TMEM132C: variants seen among roughly 807,000 people sequenced by gnomAD.
The protein encoded by TMEM132C is protein phosphatase 1, regulatory subunit 152.
A neutral mutation model predicts 61.4 loss-of-function variants in TMEM132C; 29 were observed. The ratio of observed to expected loss-of-function variants is 0.47; its 90% CI spans 0.35 to 0.64. The LOEUF (loss-of-function observed/expected upper bound fraction) is 0.64. Among genes scored for constraint, TMEM132C ranks in the 30% least tolerant of loss-of-function variants. The probability of loss-of-function intolerance (pLI) is 0.00; values close to 1 mark genes in which losing one functional copy is unlikely to be tolerated. For missense variants in TMEM132C, 1,408 were observed against 1,476.9 expected (o/e 0.95, Z 0.76); for synonymous variants, 656 against 633.1 (o/e 1.04, Z -0.54).
chr12:128,429,072 T>C (rs1404386982), intron 2 of TMEM132C, among the ~76,000 whole-genome samples: 1 of 152,206 alleles, frequency 6.6e-6, no homozygotes, highest in Non-Finnish European at 1.5e-5. Flanking sequence ...TAGCAGCATC[T>C]ACCTTCTTTG....
intron 1 of TMEM132C, among the ~76,000 whole-genome samples, chr12:128,291,140 G>T (rs1001398045): frequency 2.0e-5 from 3 of 152,146 alleles, no homozygotes; most frequent in Non-Finnish European, 4.4e-5. Context: ...ATTCTCGAGG[G>T]ACATTCTTAT....
intron 1 of TMEM132C, among the ~76,000 whole-genome samples, chr12:128,330,962 A>G (rs763096058): frequency 6.6e-6 from 1 of 152,242 alleles, no homozygotes; most frequent in Non-Finnish European, 1.5e-5. Flanking sequence ...ATCCGCCACA[A>G]AATGACAGAT....
rs148163982 is a variant in TMEM132C, at chr12:128,354,031, G to A, written c.86-60701G>A. On this transcript the variant is annotated intron_variant, in intron 1 of 8. Coordinates refer to ENST00000435159, the MANE Select transcript of TMEM132C (RefSeq NM_001136103.3). ...TTCTGTATAAATGTAAAGGGTCGAT[G>A]AAGAAGAGAAGCAGATCTTGCCAGG... 9.3e-3 allele frequency among the ~76,000 whole-genome samples: 1,416 copies of A among 152,320 alleles called. 15 individuals carry two copies. The highest frequency in any genetic ancestry group is 0.013 in the Non-Finnish European group (907 of 68,032).
chr12:128,693,986 A>G lies in TMEM132C; in HGVS notation c.1607A>G (p.Glu536Gly). The G allele has an allele frequency of 2.6e-6, 4 of 1,551,726 alleles. No homozygotes were observed. The highest frequency in any genetic ancestry group is 3.5e-6 in the Non-Finnish European group (4 of 1,147,012). ...LPLQIEVSDT[E>G]LSQIKGWRVP... ...CTGCAGATCGAGGTCTCTGACACGG[A>G]GCTCAGCCAGATAAAGGGCTGGAGG... Residue 536 changes from glutamate to glycine, a missense_variant, in exon 6 of 9, where the codon GAG becomes GGG. Coordinates refer to ENST00000435159, the MANE Select transcript of TMEM132C (RefSeq NM_001136103.3).
chr12:128,680,686 A>G (rs917045908), intron 5 of TMEM132C, among the ~76,000 whole-genome samples: 1 of 152,206 alleles, frequency 6.6e-6, no homozygotes, highest in Non-Finnish European at 1.5e-5. Context: ...TATGCCACAC[A>G]TTCGTTCCTA....
At chr12:128,626,356 C>T (rs916765215) in intron 4 of TMEM132C, among the ~76,000 whole-genome samples, 1 of 151,630 alleles carries the variant, frequency 6.6e-6, no homozygotes, top group African/African-American at 2.4e-5. Flanking sequence ...TCTCGAACTC[C>T]TGACCTCAGG....
chr12:128,686,064 T>TGC lies in TMEM132C; in HGVS notation c.1450-7764_1450-7763dup, dbSNP rs1279579771. ...TCGCGCGTGTGTGCATGTGTGTGTG[T>TGC]GCATGCGTGTGTGCGCATGTGTGTT... On this transcript the variant is annotated intron_variant, in intron 5 of 8. Coordinates refer to ENST00000435159, the MANE Select transcript of TMEM132C (RefSeq NM_001136103.3). Among the ~76,000 whole-genome samples the TGC allele has an allele frequency of 1.2e-3, 90 of 76,822 alleles. 1 individual carries two copies. The highest frequency in any genetic ancestry group is 4.3e-4 in the Non-Finnish European group (12 of 27,872). The allele number at this position is 76,822 out of a possible 152,430, so 50.4% of individuals were successfully genotyped here. A position where few individuals can be genotyped will look rare whatever the true frequency, so the allele number is the denominator to read the frequency against.
At chr12:128,385,626 A>G (rs116673752) in intron 1 of TMEM132C, among the ~76,000 whole-genome samples, 1 of 152,328 alleles carries the variant, frequency 6.6e-6, no homozygotes, top group African/African-American at 2.4e-5. Context: ...AGGATACGTT[A>G]AAGATCCATT....
intron 3 of TMEM132C, among the ~76,000 whole-genome samples, chr12:128,580,046 G>A (rs1875271382): frequency 6.6e-6 from 1 of 152,126 alleles, no homozygotes; most frequent in Non-Finnish European, 1.5e-5. Context: ...AAAGACACAG[G>A]TTCAAACCCA....
At chr12:128,392,423 C>A (rs759058138) in intron 1 of TMEM132C, among the ~76,000 whole-genome samples, 1 of 152,196 alleles carries the variant, frequency 6.6e-6, no homozygotes, top group Non-Finnish European at 1.5e-5. Flanking sequence ...GACCCCAGAA[C>A]GTCATGGAGG....
At chr12:128,531,414 A>G (rs1484963369) in intron 2 of TMEM132C, among the ~76,000 whole-genome samples, 1 of 152,234 alleles carries the variant, frequency 6.6e-6, no homozygotes, top group Non-Finnish European at 1.5e-5. Flanking sequence ...TTCACAGCCA[A>G]CCTGAAAGAG....
At chr12:128,356,672 G>C (rs1356931151) in intron 1 of TMEM132C, among the ~76,000 whole-genome samples, 1 of 152,198 alleles carries the variant, frequency 6.6e-6, no homozygotes, top group Non-Finnish European at 1.5e-5. Context: ...GGGAAAATCA[G>C]TTTGCTGCTG....
At chr12:128,464,519 A>G (rs1303235262) in intron 2 of TMEM132C, among the ~76,000 whole-genome samples, 1 of 152,170 alleles carries the variant, frequency 6.6e-6, no homozygotes. Flanking sequence ...AGGCTGAAGC[A>G]GGAGGATCAC....
At chr12:128,418,526 C>T (rs1037949432) in intron 2 of TMEM132C, among the ~76,000 whole-genome samples, 2 of 152,158 alleles carry the variant, frequency 1.3e-5, no homozygotes, top group African/African-American at 2.4e-5. Context: ...TGACTGAAGG[C>T]GCTTCTTTAA....
chr12:128,649,073 G>GTGTT (rs1338842087), intron 4 of TMEM132C, among the ~76,000 whole-genome samples: 1 of 152,236 alleles, frequency 6.6e-6, no homozygotes, highest in Non-Finnish European at 1.5e-5. Flanking sequence ...GTATGTGAGT[G>GTGTT]TGTTTACTGG....
At chr12:128,582,928 T>C (rs1460272731) in intron 3 of TMEM132C, among the ~76,000 whole-genome samples, 2 of 152,142 alleles carry the variant, frequency 1.3e-5, no homozygotes, top group African/African-American at 4.8e-5. Flanking sequence ...GCATGAGCCA[T>C]GGTGCCCAGC....
intron 2 of TMEM132C, among the ~76,000 whole-genome samples, chr12:128,504,780 G>A: frequency 7.2e-6 from 1 of 138,640 alleles, no homozygotes; most frequent in Non-Finnish European, 1.6e-5. Context: ...CAGTCACATT[G>A]AGGGTTAGGG....
At chr12:128,347,343 T>G (rs1873190473) in intron 1 of TMEM132C, among the ~76,000 whole-genome samples, 1 of 152,084 alleles carries the variant, frequency 6.6e-6, no homozygotes, top group Non-Finnish European at 1.5e-5. Context: ...GCACTTAGGT[T>G]GGTTCCATAT....
At chr12:128,694,532 TG>T (rs1422611750) in intron 6 of TMEM132C, among the ~76,000 whole-genome samples, 3 of 152,212 alleles carry the variant, frequency 2.0e-5, no homozygotes, top group Non-Finnish European at 4.4e-5. Context: ...TGCAAGAGTA[TG>T]GGGTCTTGTT....
Sources: allele counts gnomAD v4.1 joint callset (sites outside exome capture counted in the v4.1 genomes callset), GRCh38; gene constraint gnomAD v4.1.1; transcripts MANE v1.5; gene names NCBI Gene and HGNC (gene_info 2026-07-23, HGNC 2026-07-21).